Variants in SNAPC3 observed in about 807,000 individuals in gnomAD.
The protein encoded by SNAPC3 is small nuclear RNA activating complex polypeptide 3.
SNAPC3 carries 56 observed loss-of-function variants against 47.7 expected under a neutral mutation model. The ratio of observed to expected loss-of-function variants is 1.18; its 90% CI spans 0.95 to 1.47. The LOEUF (loss-of-function observed/expected upper bound fraction) is 1.47, where lower values mean the gene tolerates loss of function less well. Among genes scored for constraint, SNAPC3 ranks in the 40% most tolerant of loss-of-function variants. The pLI, the probability that SNAPC3 is intolerant of heterozygous loss-of-function variation, is 0.00. For synonymous variants in SNAPC3, 235 were observed against 189.9 expected (o/e 1.24, Z -1.95); for missense variants, 665 against 511.3 (o/e 1.30, Z -2.90).
chr9:15,436,030 G>C (rs62570976), intron 3 of SNAPC3, among the ~76,000 whole-genome samples: 6,237 of 152,096 alleles, frequency 0.041, 136 homozygotes, highest in South Asian at 0.07. Flanking sequence ...TTTTAGTAGA[G>C]ATGGGGTTTC....
At chr9:15,436,364 A>T (rs976373685) in intron 3 of SNAPC3, among the ~76,000 whole-genome samples, 11 of 152,132 alleles carry the variant, frequency 7.2e-5, no homozygotes, top group African/African-American at 2.7e-4. Flanking sequence ...TTTATATATG[A>T]TGTAAGGTAA....
At chr9:15,466,694 T>C (rs189439967), downstream of SNAPC3, 27 of 1,410,004 alleles carry the variant, frequency 1.9e-5, no homozygotes, top group Admixed American at 4.2e-5. Context: ...AGAACTGTGA[T>C]TAAAAACCTG....
downstream of SNAPC3, chr9:15,465,586 G>T (rs775234720): frequency 6.4e-6 from 10 of 1,566,468 alleles, no homozygotes; most frequent in Non-Finnish European, 8.7e-6. Flanking sequence ...ATGGCCTGAA[G>T]AAAAGGGGGA....
At chr9:15,432,574 CG>C (rs376618927) in intron 2 of SNAPC3, among the ~76,000 whole-genome samples, 67 of 152,078 alleles carry the variant, frequency 4.4e-4, no homozygotes, top group African/African-American at 1.6e-3. Flanking sequence ...GCTGAAAGAA[CG>C]GGAGCTCCTA....
intron 3 of SNAPC3, among the ~76,000 whole-genome samples, chr9:15,437,086 A>G (rs2032890100): frequency 6.6e-6 from 1 of 152,006 alleles, no homozygotes; most frequent in Admixed American, 6.6e-5. Flanking sequence ...CGGCCTCCCA[A>G]AATGCTGGGA....
chr9:15,425,645 A>G (rs1327213969), intron 2 of SNAPC3, among the ~76,000 whole-genome samples: 1 of 152,206 alleles, frequency 6.6e-6, no homozygotes, highest in Non-Finnish European at 1.5e-5. Context: ...AGGCTCAATG[A>G]GAGTCCAAAC....
downstream of SNAPC3, chr9:15,464,062 A>G (rs539084909): frequency 5.6e-6 from 1 of 177,126 alleles, no homozygotes; most frequent in East Asian, 9.6e-5. Flanking sequence ...ATTTACTAGC[A>G]GAGTTTGATA....
In SNAPC3 at chr9:15,459,783, C is replaced by G. The variant is rs774183371; in HGVS notation, c.1153C>G (p.Arg385Gly). The G allele has an allele frequency of 6.2e-7, 1 of 1,613,138 alleles. No individual in the cohort carries two copies. The highest frequency in any genetic ancestry group is 8.5e-7 in the Non-Finnish European group (1 of 1,179,428). Reference sequence around the variant, plus strand: ...ATGCTTCTTTTGTGATGTTTGCTTCCGAATGCTGCACTATGATTCAGAAGG... The same window carrying G: ...ATGCTTCTTTTGTGATGTTTGCTTCGGAATGCTGCACTATGATTCAGAAGG... The part of the protein sequence containing the change: ...DPCFFCDVCF[R>G]MLHYDSEGNK... Residue 385 changes from arginine to glycine, a missense_variant, in exon 9 of 9, where the codon CGA becomes GGA. By Grantham distance (125) the Arg-to-Gly change is moderately radical (BLOSUM62 -2). Coordinates refer to ENST00000380821, the MANE Select transcript of SNAPC3 (RefSeq NM_001039697.2).
rs1344034625 is a variant in SNAPC3, at chr9:15,423,111, G to C, written c.232G>C (p.Asp78His). 6.4e-7 allele frequency: 1 copy of C among 1,552,148 alleles called. No homozygotes were observed. Among genetic ancestry groups the C allele is most frequent in the Admixed American group, 2.2e-5 (1 of 44,742 alleles). The part of the protein sequence containing the change: ...ASALPGSQAA[D>H]SDREDAAVAR... ...CGCTCTGCCTGGGAGCCAGGCAGCTGACTCCGACCGGGAGGATGCCGCGGT... is the reference window on the plus strand; with the variant it reads ...CGCTCTGCCTGGGAGCCAGGCAGCTCACTCCGACCGGGAGGATGCCGCGGT... The change falls in exon 1 of 9, where the codon GAC (aspartate) becomes CAC (histidine). Residue 78 changes from aspartate (D) to histidine (H), a missense_variant. Physicochemically the swap from Asp to His is moderately conservative, Grantham distance 81. Coordinates refer to ENST00000380821, the MANE Select transcript of SNAPC3 (RefSeq NM_001039697.2).
chr9:15,454,052 T>C (rs4741503), intron 7 of SNAPC3, among the ~76,000 whole-genome samples: 138,231 of 152,166 alleles, frequency 0.91, 63,047 homozygotes, highest in African/African-American at 0.94. Context: ...CTGAACAATA[T>C]GGTGAAACCC....
chr9:15,434,100 C>T (rs1357543168), intron 3 of SNAPC3, among the ~76,000 whole-genome samples: 1 of 152,174 alleles, frequency 6.6e-6, no homozygotes, highest in African/African-American at 2.4e-5. Flanking sequence ...TGCATACGGG[C>T]ACCTATTGTC....
At chr9:15,449,731 C>T (rs113560787) in intron 5 of SNAPC3, among the ~76,000 whole-genome samples, 50 of 151,182 alleles carry the variant, frequency 3.3e-4, no homozygotes, top group Middle Eastern at 3.4e-3. Flanking sequence ...CCACCATGCC[C>T]GGCTAATTTT....
chr9:15,431,381 TACTTC>T (rs1354797840), intron 2 of SNAPC3, among the ~76,000 whole-genome samples: 14 of 152,308 alleles, frequency 9.2e-5, no homozygotes, highest in African/African-American at 3.4e-4. Context: ...TATTATTCTA[TACTTC>T]AGTGTTCCCT....
At position 15,451,358 on chromosome 9, in the gene SNAPC3, ATT is replaced by A. The variant is rs749036348; in HGVS notation, c.774_775del (p.Phe258LeufsTer2). The A allele has an allele frequency of 1.9e-6, 3 of 1,553,072 alleles. No individual in the cohort carries two copies. In the Admixed American group the frequency reaches 5.1e-5, roughly 27 times the overall value. Reference protein sequence around the residue: ...KSAFFYFEGTFYNDKRYPECR... With the variant: ...KSAFFYFEGTXYNDKRYPECR... ...CAGCCTTCTTTTATTTTGAAGGAAC[ATT>A]TTATAATGATAAAAGATACCCAGAA... On this transcript the variant is annotated frameshift_variant, in exon 6 of 9. Coordinates refer to ENST00000380821, the MANE Select transcript of SNAPC3 (RefSeq NM_001039697.2). LOFTEE classifies it high-confidence loss of function.
At chr9:15,434,875 C>G (rs781762548) in intron 3 of SNAPC3, among the ~76,000 whole-genome samples, 1 of 152,030 alleles carries the variant, frequency 6.6e-6, no homozygotes, top group Non-Finnish European at 1.5e-5. Flanking sequence ...TTGGCTATTG[C>G]GAATAATGCT....
intron 6 of SNAPC3, among the ~76,000 whole-genome samples, chr9:15,452,388 G>A (rs981448296): frequency 1.3e-4 from 19 of 146,486 alleles, no homozygotes; most frequent in African/African-American, 4.0e-4. Context: ...GCGCGATTTC[G>A]GCTCACCACA....
chr9:15,437,829 T>G (rs184875658), intron 3 of SNAPC3, among the ~76,000 whole-genome samples: 2 of 152,160 alleles, frequency 1.3e-5, no homozygotes, highest in Non-Finnish European at 2.9e-5. Context: ...GTTGGAAAAT[T>G]CACAAAAATT....
Position 15,460,526 on chromosome 9 carries a change from GAT to G in SNAPC3, c.*661_*662del, listed in dbSNP as rs2035129112. The G allele has an allele frequency of 6.6e-6, 1 of 152,288 alleles. No individual in the cohort carries two copies. The highest frequency in any genetic ancestry group is 1.5e-5 in the Non-Finnish European group (1 of 68,100). The allele number at this position is 152,288 out of a possible 1,614,324, so 9.4% of individuals were successfully genotyped here. On this transcript the variant is annotated 3_prime_UTR_variant, in exon 9 of 9. Transcript: ENST00000380821. ...CTGCCACAGCCTCCTGAGTAGCTGG[GAT>G]TGCAGGCACCTGGCACCATGCCTGG...
intron 8 of SNAPC3, among the ~76,000 whole-genome samples, chr9:15,458,738 C>T (rs947546631): frequency 6.6e-6 from 1 of 151,956 alleles, no homozygotes; most frequent in Non-Finnish European, 1.5e-5. Flanking sequence ...CTGGACAACA[C>T]AGCAGTAACT....
Sources: allele counts gnomAD v4.1 joint callset (sites outside exome capture counted in the v4.1 genomes callset), GRCh38; gene constraint gnomAD v4.1.1; transcripts MANE v1.5; gene names NCBI Gene and HGNC (gene_info 2026-07-23, HGNC 2026-07-21).